The following SLC14A2 variants were observed in gnomAD, a reference collection of about 807,000 sequenced individuals.
SLC14A2 encodes urea transporter 2.
In SLC14A2, 91 loss-of-function variants were observed where a neutral mutation model predicts 104.6. That is an observed-to-expected ratio of 0.87 (90% confidence interval 0.73 to 1.04). The LOEUF (loss-of-function observed/expected upper bound fraction) is 1.04. SLC14A2 is among the 50% of genes least tolerant of loss of function. SLC14A2 has a pLI of 0.00. For missense variants in SLC14A2, 1,189 were observed against 1,156.0 expected (o/e 1.03, Z -0.41); for synonymous variants, 476 against 466.4 (o/e 1.02, Z -0.27).
intron 1 of SLC14A2, among the ~76,000 whole-genome samples, chr18:45,271,574 G>C (rs1029769569): frequency 1.3e-5 from 2 of 151,870 alleles, no homozygotes; most frequent in Non-Finnish European, 2.9e-5. Flanking sequence ...GCCACAAATT[G>C]AATACCTAGA....
intron 2 of SLC14A2, among the ~76,000 whole-genome samples, chr18:45,485,708 A>G (rs2144711991): frequency 6.6e-6 from 1 of 151,954 alleles, no homozygotes; most frequent in Non-Finnish European, 1.5e-5. Context: ...GTCTTTTCCT[A>G]GCTAACTTTA....
rs971803574 is a variant in SLC14A2, at chr18:45,635,092, T to C, written c.651-1898T>C. On this transcript the variant is annotated intron_variant, in intron 5 of 19. Coordinates refer to ENST00000255226, the MANE Select transcript of SLC14A2 (RefSeq NM_007163.4). ...TAATTTGCCTAAGTACCTAGGTTGATACAAAAGACCAAGAGAAGAACTGGT... is the reference window on the plus strand; with the variant it reads ...TAATTTGCCTAAGTACCTAGGTTGACACAAAAGACCAAGAGAAGAACTGGT... 5 of 330,184 alleles carry C rather than the reference T, an allele frequency of 1.5e-5. No individual in the cohort carries two copies. In the East Asian group the frequency reaches 3.2e-4, roughly 21 times the overall value. The allele number at this position is 330,184 out of a possible 1,614,324, so 20.5% of individuals were successfully genotyped here. A position where few individuals can be genotyped will look rare whatever the true frequency, so the allele number is the denominator to read the frequency against.
intron 10 of SLC14A2, among the ~76,000 whole-genome samples, chr18:45,652,252 CTTTT>C (rs570750609): frequency 1.3e-4 from 20 of 152,156 alleles, no homozygotes; most frequent in African/African-American, 4.8e-4. Context: ...TTATGTGAGA[CTTTT>C]TTTACTTGCC....
chr18:45,315,110 GA>G (rs1322296908), intron 1 of SLC14A2, among the ~76,000 whole-genome samples: 1 of 152,142 alleles, frequency 6.6e-6, no homozygotes, highest in Non-Finnish European at 1.5e-5. Context: ...CTGACAATAA[GA>G]AGAACTGTAT....
chr18:45,621,485 G>A (rs778841822), intron 1 of SLC14A2, among the ~76,000 whole-genome samples: 4 of 152,202 alleles, frequency 2.6e-5, no homozygotes, highest in Non-Finnish European at 5.9e-5. Flanking sequence ...ACGCTGTTCT[G>A]AAACCACTGG....
At chr18:45,411,608 C>T (rs191847858) in intron 1 of SLC14A2, among the ~76,000 whole-genome samples, 3 of 152,286 alleles carry the variant, frequency 2.0e-5, no homozygotes, top group African/African-American at 4.8e-5. Flanking sequence ...AAAACATACA[C>T]CCAGTTTCCG....
chr18:45,371,307 C>T (rs2085719972), intron 1 of SLC14A2, among the ~76,000 whole-genome samples: 1 of 152,140 alleles, frequency 6.6e-6, no homozygotes, highest in South Asian at 2.1e-4. Flanking sequence ...TTTTCAAATT[C>T]CACTTTCCCC....
At chr18:45,478,181 C>T (rs1454953767) in intron 1 of SLC14A2, among the ~76,000 whole-genome samples, 1 of 152,220 alleles carries the variant, frequency 6.6e-6, no homozygotes, top group Non-Finnish European at 1.5e-5. Flanking sequence ...GTATCTGAGC[C>T]AGAATGCACT....
intron 1 of SLC14A2, among the ~76,000 whole-genome samples, chr18:45,459,647 A>G (rs1178057708): frequency 6.6e-6 from 1 of 152,176 alleles, no homozygotes; most frequent in Non-Finnish European, 1.5e-5. Flanking sequence ...CTGGTGCACC[A>G]GCCTGCTCAG....
chr18:45,194,591 T>A, the SLC14A2 span, among the ~76,000 whole-genome samples: 94 of 151,904 alleles, frequency 6.2e-4, no homozygotes, highest in Middle Eastern at 6.8e-3. Flanking sequence ...AGATCTAATT[T>A]GGCAAATTTG....
chr18:45,539,400 C>T (rs2043850203), intron 2 of SLC14A2, among the ~76,000 whole-genome samples: 1 of 152,222 alleles, frequency 6.6e-6, no homozygotes, highest in African/African-American at 2.4e-5. Flanking sequence ...ACTGCCATCA[C>T]AGATGGCTGC....
the SLC14A2 span, among the ~76,000 whole-genome samples, chr18:45,194,392 A>T: frequency 1.3e-5 from 2 of 152,158 alleles, no homozygotes; most frequent in African/African-American, 4.8e-5. Context: ...TATGACAGTT[A>T]TCGGAAATAG....
chr18:45,442,555 A>G (rs1260362480), intron 1 of SLC14A2, among the ~76,000 whole-genome samples: 1 of 152,186 alleles, frequency 6.6e-6, no homozygotes, highest in Non-Finnish European at 1.5e-5. Context: ...GACACAGGTT[A>G]TGTTGGATTA....
intron 1 of SLC14A2, among the ~76,000 whole-genome samples, chr18:45,475,676 T>C (rs2087363609): frequency 1.1e-5 from 1 of 91,016 alleles, no homozygotes; most frequent in Non-Finnish European, 2.3e-5. Context: ...TATATATATA[T>C]ATATATATAT....
At chr18:45,391,846 A>G (rs141460150) in intron 1 of SLC14A2, among the ~76,000 whole-genome samples, 255 of 152,202 alleles carry the variant, frequency 1.7e-3, no homozygotes, top group African/African-American at 5.8e-3. Context: ...AGATGAGTAG[A>G]TTGCAAACAT....
chr18:45,473,405 T>C (rs2087290395), intron 1 of SLC14A2, among the ~76,000 whole-genome samples: 1 of 152,202 alleles, frequency 6.6e-6, no homozygotes, highest in African/African-American at 2.4e-5. Context: ...TTTTTCTAAT[T>C]ATGAGAAGAA....
chr18:45,246,281 T>A (rs2144063169), intron 1 of SLC14A2, among the ~76,000 whole-genome samples: 1 of 152,302 alleles, frequency 6.6e-6, no homozygotes, highest in East Asian at 1.9e-4. Flanking sequence ...ACCTTAATCC[T>A]GGACTTCCAG....
intron 1 of SLC14A2, among the ~76,000 whole-genome samples, chr18:45,370,812 G>A (rs891767128): frequency 5.3e-5 from 8 of 152,278 alleles, no homozygotes; most frequent in Admixed American, 1.3e-4. Context: ...TCATCAGAGC[G>A]GCTGGAATTG....
chr18:45,172,636 T>C, the SLC14A2 span, among the ~76,000 whole-genome samples: 3 of 152,134 alleles, frequency 2.0e-5, no homozygotes, highest in African/African-American at 7.2e-5. Flanking sequence ...AATTGTCTAG[T>C]CTTCTGTCTT....
Sources: gnomAD v4.1 joint callset for allele counts (sites outside exome capture counted in the v4.1 genomes callset) on GRCh38, gnomAD v4.1.1 for gene constraint, MANE v1.5 for transcripts, NCBI Gene and HGNC (gene_info 2026-07-23, HGNC 2026-07-21) for gene names.